Variants in SHROOM3 observed in about 807,000 individuals in gnomAD.
The protein encoded by SHROOM3 is shroom family member 3.
In SHROOM3, 47 loss-of-function variants were observed where a neutral mutation model predicts 138.6. The ratio of observed to expected loss-of-function variants is 0.34; its 90% CI spans 0.27 to 0.43. The LOEUF is 0.43. Ranked by LOEUF, SHROOM3 falls within the 20% of genes least tolerant of loss-of-function variation. SHROOM3 has a pLI of 1.00. For missense variants in SHROOM3, 2,491 were observed against 2,596.5 expected (o/e 0.96, Z 0.88); for synonymous variants, 1,062 against 1,063.3 (o/e 1.00, Z 0.02).
At chr4:76,720,503 G>T (rs371294599) in intron 3 of SHROOM3, among the ~76,000 whole-genome samples, 2 of 151,998 alleles carry the variant, frequency 1.3e-5, no homozygotes, top group African/African-American at 4.8e-5. Context: ...TTAGTATTTG[G>T]GGCCTATCAT....
At chr4:76,670,926 G>T (rs75775225) in intron 2 of SHROOM3, among the ~76,000 whole-genome samples, 1 of 152,086 alleles carries the variant, frequency 6.6e-6, no homozygotes, top group South Asian at 2.1e-4. Flanking sequence ...CAGGCTGGGT[G>T]CAGAGTAAGA....
At chr4:76,516,405 A>T (rs1251198551) in intron 1 of SHROOM3, among the ~76,000 whole-genome samples, 1 of 152,116 alleles carries the variant, frequency 6.6e-6, no homozygotes, top group Non-Finnish European at 1.5e-5. Context: ...TTGAGATCAG[A>T]TGAAGCTATA....
intron 2 of SHROOM3, among the ~76,000 whole-genome samples, chr4:76,650,343 G>T (rs957160945): frequency 6.6e-6 from 1 of 152,104 alleles, no homozygotes. Flanking sequence ...TAATGGGAAT[G>T]TAAATTAGCA....
rs565518132 is a variant in SHROOM3 at position 76,647,957 on chromosome 4, G to A, written c.324-62199G>A. On this transcript the variant is annotated intron_variant, in intron 2 of 10. Coordinates refer to ENST00000296043, the MANE Select transcript of SHROOM3 (RefSeq NM_020859.4). ...ACCTAGATATTTTATTTTATGTATC[G>A]TAGTATCTTTCTTACATATCAGTTT... Among the ~76,000 whole-genome samples the A allele has an allele frequency of 1.1e-4, 17 of 152,110 alleles. 1 individual carries two copies. The highest frequency in any genetic ancestry group is 1.0e-3 in the South Asian group (5 of 4,812).
At chr4:76,759,818 T>A (rs1382956863) in intron 9 of SHROOM3, 123 bp downstream of exon 9, 1 of 1,136,674 alleles carries the variant, frequency 8.8e-7, no homozygotes, top group Admixed American at 2.0e-5. Flanking sequence ...CATCACCAGA[T>A]TGCACCAAAA....
chr4:76,726,531 CCCCT>C (rs1720709832), intron 3 of SHROOM3, among the ~76,000 whole-genome samples: 1 of 136,736 alleles, frequency 7.3e-6, no homozygotes, highest in Non-Finnish European at 1.6e-5. Context: ...CCACTCCCAT[CCCCT>C]CCATCTAAAA....
Position 76,555,627 on chromosome 4 carries a change from G to A in SHROOM3, c.187G>A (p.Ala63Thr). The stretch of plus-strand genomic sequence containing the variant: ...CAAGCAGGTCGAAGAAGGGGGCAAA[G>A]CAGACACCCTGAGCTCCAAACTGCA... ...IISKVEEGGK[A>T]DTLSSKLQAG... Residue 63 changes from alanine to threonine, a missense_variant, in exon 2 of 11, where the codon GCA (alanine) becomes ACA (threonine). This residue lies in a region of SHROOM3 where 284 missense variants were observed against 322.8 expected (regional missense o/e 0.88). Coordinates refer to ENST00000296043, the MANE Select transcript of SHROOM3 (RefSeq NM_020859.4). 1.2e-6 allele frequency: 2 copies of A among 1,613,846 alleles called. No homozygotes were observed. Among genetic ancestry groups the A allele is most frequent in the East Asian group, 2.2e-5 (1 of 44,876 alleles).
chr4:76,473,797 T>G (rs1011597338), intron 1 of SHROOM3, among the ~76,000 whole-genome samples: 2 of 152,118 alleles, frequency 1.3e-5, no homozygotes, highest in Non-Finnish European at 2.9e-5. Flanking sequence ...ATGGCTGTAC[T>G]CAAAAGGACA....
intron 1 of SHROOM3, among the ~76,000 whole-genome samples, chr4:76,451,674 A>G (rs538011491): frequency 2.0e-5 from 3 of 152,328 alleles, no homozygotes; most frequent in Admixed American, 2.0e-4. Flanking sequence ...AGATCTGCAC[A>G]TTTTACTGCA....
At chr4:76,590,688 G>A (rs1007485111) in intron 2 of SHROOM3, among the ~76,000 whole-genome samples, 2 of 151,764 alleles carry the variant, frequency 1.3e-5, no homozygotes, top group African/African-American at 4.8e-5. Flanking sequence ...TTGGTGTTGA[G>A]GTCTTAATTT....
At chr4:76,660,942 G>C (rs931787064) in intron 2 of SHROOM3, among the ~76,000 whole-genome samples, 1 of 151,830 alleles carries the variant, frequency 6.6e-6, no homozygotes, top group Admixed American at 6.6e-5. Context: ...TGGGACTACC[G>C]GCATGTACCA....
intron 1 of SHROOM3, among the ~76,000 whole-genome samples, chr4:76,440,365 C>A (rs1730644999): frequency 6.6e-6 from 1 of 152,176 alleles, no homozygotes; most frequent in African/African-American, 2.4e-5. Context: ...GTTCCAGAGT[C>A]CATGCGCCTC....
intron 3 of SHROOM3, among the ~76,000 whole-genome samples, chr4:76,710,800 G>T (rs755319998): frequency 2.6e-5 from 4 of 152,068 alleles, no homozygotes; most frequent in Non-Finnish European, 5.9e-5. Flanking sequence ...GAATGAACCT[G>T]AGTGCTTCCC....
At chr4:76,715,447 C>A (rs1379466394) in intron 3 of SHROOM3, among the ~76,000 whole-genome samples, 2 of 152,154 alleles carry the variant, frequency 1.3e-5, no homozygotes, top group Non-Finnish European at 2.9e-5. Flanking sequence ...TCTAACTTAT[C>A]TTGGCAGAAA....
chr4:76,731,609 T>C (rs1338585121), intron 4 of SHROOM3, among the ~76,000 whole-genome samples: 1 of 151,954 alleles, frequency 6.6e-6, no homozygotes, highest in African/African-American at 2.4e-5. Flanking sequence ...GGTGAAACCC[T>C]GTCTCTACTA....
intron 1 of SHROOM3, among the ~76,000 whole-genome samples, chr4:76,461,688 G>A (rs1020292542): frequency 2.0e-5 from 3 of 152,118 alleles, no homozygotes; most frequent in African/African-American, 7.2e-5. Flanking sequence ...CTCATTAGGT[G>A]AAAGCAAAAG....
At chr4:76,463,449 A>C (rs1731183304) in intron 1 of SHROOM3, among the ~76,000 whole-genome samples, 1 of 152,244 alleles carries the variant, frequency 6.6e-6, no homozygotes, top group African/African-American at 2.4e-5. Context: ...ACAGAGCATA[A>C]AAGATTGGAA....
chr4:76,729,375 C>T (rs1385078150), intron 3 of SHROOM3, among the ~76,000 whole-genome samples: 2 of 152,046 alleles, frequency 1.3e-5, no homozygotes, highest in Non-Finnish European at 2.9e-5. Flanking sequence ...GTCCACCTGA[C>T]TACAGACTCC....
intron 2 of SHROOM3, among the ~76,000 whole-genome samples, chr4:76,600,692 G>A (rs940192768): frequency 6.6e-6 from 1 of 152,072 alleles, no homozygotes; most frequent in Non-Finnish European, 1.5e-5. Flanking sequence ...AGTTTTCATT[G>A]CCCATAGGTG....
Sources: allele counts gnomAD v4.1 joint callset (sites outside exome capture counted in the v4.1 genomes callset), GRCh38; gene constraint gnomAD v4.1.1; regional missense constraint gnomAD v4.1.1; transcripts MANE v1.5; gene names NCBI Gene and HGNC (gene_info 2026-07-23, HGNC 2026-07-21).